MTHFD2L: variants seen among roughly 807,000 people sequenced by gnomAD.
The protein encoded by MTHFD2L is bifunctional methylenetetrahydrofolate dehydrogenase/cyclohydrolase 2, mitochondrial.
A neutral mutation model predicts 34.9 loss-of-function variants in MTHFD2L; 29 were observed. That is an observed-to-expected ratio of 0.83 (90% CI 0.62 to 1.13). The LOEUF (loss-of-function observed/expected upper bound fraction) is 1.13. Among genes scored for constraint, MTHFD2L ranks in the 50% most tolerant of loss-of-function variants. MTHFD2L has a pLI of 0.00. For synonymous variants in MTHFD2L, 167 were observed against 155.7 expected, an observed-to-expected ratio of 1.07 and a Z score of -0.54; for missense variants, 481 against 446.5, an observed-to-expected ratio of 1.08 and a Z score of -0.70.
Position 74,191,540 on chromosome 4 carries a change from T to A in MTHFD2L, c.452-8254T>A, listed in dbSNP as rs144038444. Among the ~76,000 whole-genome samples the A allele has an allele frequency of 1.0e-3, 158 of 151,980 alleles. No individual in the cohort carries two copies. In the East Asian group the frequency reaches 0.027, roughly 26 times the overall value. On this transcript the variant is annotated intron_variant, in intron 3 of 7. Coordinates refer to ENST00000325278, the MANE Select transcript of MTHFD2L (RefSeq NM_001144978.3). ...CCACCTTTGGTTTTTCTTTATATTTTTATTTTTATTTATTTATTAATTTAT... is the reference window on the plus strand; with the variant it reads ...CCACCTTTGGTTTTTCTTTATATTTATATTTTTATTTATTTATTAATTTAT...
chr4:74,271,266 A>G (rs1745944387), intron 6 of MTHFD2L, among the ~76,000 whole-genome samples: 1 of 152,166 alleles, frequency 6.6e-6, no homozygotes, highest in African/African-American at 2.4e-5. Context: ...CTTGAATGGT[A>G]TTACCTAGGT....
At chr4:74,119,791 A>C (rs192194955), upstream of MTHFD2L, among the ~76,000 whole-genome samples, 430 of 152,228 alleles carry the variant, frequency 2.8e-3, 1 homozygote, top group African/African-American at 9.6e-3. Flanking sequence ...TCAAAAAAAA[A>C]CAAAAAAAAC....
intron 6 of MTHFD2L, among the ~76,000 whole-genome samples, chr4:74,227,311 G>A (rs1210739171): frequency 3.3e-5 from 5 of 152,154 alleles, no homozygotes; most frequent in Non-Finnish European, 7.4e-5. Flanking sequence ...TACAGACCTA[G>A]GAATGGTACA....
intron 6 of MTHFD2L, among the ~76,000 whole-genome samples, chr4:74,238,965 C>T (rs1383218961): frequency 2.6e-5 from 4 of 152,178 alleles, no homozygotes; most frequent in African/African-American, 9.7e-5. Flanking sequence ...TACCATTTGA[C>T]CCAGCGATCC....
At chr4:74,252,393 A>T (rs1003650513) in intron 6 of MTHFD2L, among the ~76,000 whole-genome samples, 2 of 152,168 alleles carry the variant, frequency 1.3e-5, no homozygotes, top group Non-Finnish European at 2.9e-5. Context: ...AAAGACAAGG[A>T]CAAACAACAG....
chr4:74,266,438 C>T (rs1745294368), intron 6 of MTHFD2L, among the ~76,000 whole-genome samples: 1 of 152,138 alleles, frequency 6.6e-6, no homozygotes, highest in Non-Finnish European at 1.5e-5. Flanking sequence ...AGCCATCCTT[C>T]CATCTATTTA....
intron 1 of MTHFD2L, among the ~76,000 whole-genome samples, chr4:74,163,647 G>A (rs972548553): frequency 4.6e-5 from 7 of 152,250 alleles, no homozygotes; most frequent in African/African-American, 1.4e-4. Flanking sequence ...ACACTTGCAG[G>A]TATTCATTTA....
At chr4:74,278,449 AT>A (rs1325065416) in intron 6 of MTHFD2L, among the ~76,000 whole-genome samples, 1 of 152,058 alleles carries the variant, frequency 6.6e-6, no homozygotes, top group Non-Finnish European at 1.5e-5. Context: ...AATATGGGCT[AT>A]GTAGCTACTG....
chr4:74,292,546 A>G (rs182441820), intron 7 of MTHFD2L, among the ~76,000 whole-genome samples: 81 of 152,268 alleles, frequency 5.3e-4, no homozygotes, highest in Non-Finnish European at 8.8e-5. Context: ...CTCTGATACA[A>G]ATATTCAGTG....
chr4:74,254,148 A>T (rs1027206329), intron 6 of MTHFD2L, among the ~76,000 whole-genome samples: 1 of 152,146 alleles, frequency 6.6e-6, no homozygotes, highest in South Asian at 2.1e-4. Flanking sequence ...ATTAACAGAC[A>T]ACTTCTAAAA....
chr4:74,298,185 C>G (rs769849009), intron 7 of MTHFD2L, among the ~76,000 whole-genome samples: 1 of 151,996 alleles, frequency 6.6e-6, no homozygotes, highest in Non-Finnish European at 1.5e-5. Context: ...AAGATTTAAG[C>G]AAGTATTTTA....
chr4:74,225,413 T>C lies in MTHFD2L; in HGVS notation c.805+19T>C. 6.3e-7 allele frequency: 1 copy of C among 1,595,292 alleles called. No homozygotes were observed. Among genetic ancestry groups the C allele is most frequent in the Non-Finnish European group, 8.6e-7 (1 of 1,165,270 alleles). ...GCTGCAGGTAAGTCCTTAGTGACTG[T>C]TATTTTTTGGAATGTCATCAGCAGA... On this transcript the variant is annotated intron_variant, in intron 6 of 7. Coordinates refer to ENST00000325278, the MANE Select transcript of MTHFD2L (RefSeq NM_001144978.3).
intron 3 of MTHFD2L, among the ~76,000 whole-genome samples, chr4:74,193,544 CATT>C (rs1732943981): frequency 6.6e-6 from 1 of 152,190 alleles, no homozygotes; most frequent in African/African-American, 2.4e-5. Context: ...ATCTTACCAT[CATT>C]GAGTCTTCCA....
At chr4:74,262,509 A>G (rs536249004) in intron 6 of MTHFD2L, among the ~76,000 whole-genome samples, 4 of 152,116 alleles carry the variant, frequency 2.6e-5, no homozygotes, top group East Asian at 1.9e-4. Context: ...AAGAATTAGT[A>G]TGCAGCATAT....
chr4:74,130,383 T>C (rs1722396415), intron 1 of MTHFD2L, among the ~76,000 whole-genome samples: 1 of 152,132 alleles, frequency 6.6e-6, no homozygotes, highest in Non-Finnish European at 1.5e-5. Flanking sequence ...AAAAAGCTTA[T>C]CCACCATGAT....
chr4:74,290,813 C>T (rs191443798), intron 7 of MTHFD2L, among the ~76,000 whole-genome samples: 208 of 151,940 alleles, frequency 1.4e-3, no homozygotes, highest in African/African-American at 4.7e-3. Context: ...CTTTGCCCAA[C>T]TCTCATATGA....
At chr4:74,123,664 G>A (rs962893469), upstream of MTHFD2L, among the ~76,000 whole-genome samples, 1 of 151,786 alleles carries the variant, frequency 6.6e-6, no homozygotes, top group African/African-American at 2.4e-5. Flanking sequence ...AACTTAGAAT[G>A]CTTCAACATT....
chr4:74,200,950 A>G (rs1478495711), intron 4 of MTHFD2L, among the ~76,000 whole-genome samples: 1 of 152,108 alleles, frequency 6.6e-6, no homozygotes, highest in Non-Finnish European at 1.5e-5. Context: ...TGCTTTTTTT[A>G]TAAGCAGTTA....
chr4:74,274,876 C>T (rs1037894059), intron 6 of MTHFD2L, among the ~76,000 whole-genome samples: 1 of 152,124 alleles, frequency 6.6e-6, no homozygotes, highest in Non-Finnish European at 1.5e-5. Context: ...AACTTAGTAA[C>T]ATGTTAGGGT....
Sources: allele counts gnomAD v4.1 joint callset (sites outside exome capture counted in the v4.1 genomes callset), GRCh38; gene constraint gnomAD v4.1.1; transcripts MANE v1.5; gene names NCBI Gene and HGNC (gene_info 2026-07-23, HGNC 2026-07-21).